The following CDH4 variants were observed in gnomAD, a reference collection of about 807,000 sequenced individuals.
CDH4 encodes the protein cadherin-4.
CDH4 carries 33 observed loss-of-function variants against 86.0 expected under a neutral mutation model. That is an observed-to-expected ratio of 0.38 (90% CI 0.29 to 0.51). The LOEUF (loss-of-function observed/expected upper bound fraction) is 0.51. Ranked by LOEUF, CDH4 falls within the 20% of genes least tolerant of loss-of-function variation. The pLI is 0.86. For missense variants in CDH4, 1,114 were observed against 1,307.4 expected (o/e 0.85, Z 2.28); for synonymous variants, 555 against 549.4 (o/e 1.01, Z -0.14).
At chr20:61,297,752 T>G (rs2084364081) in intron 2 of CDH4, among the ~76,000 whole-genome samples, 2 of 152,260 alleles carry the variant, frequency 1.3e-5, no homozygotes, top group Admixed American at 6.5e-5. Context: ...GATAGAGACA[T>G]TAGCGCGTGT....
At chr20:61,342,010 G>C (rs1023634429) in intron 2 of CDH4, among the ~76,000 whole-genome samples, 1 of 152,192 alleles carries the variant, frequency 6.6e-6, no homozygotes, top group African/African-American at 2.4e-5. Flanking sequence ...AAATGCTTAG[G>C]CCATAGTGGG....
intron 2 of CDH4, among the ~76,000 whole-genome samples, chr20:61,489,107 C>G (rs1182473454): frequency 6.6e-6 from 1 of 152,184 alleles, no homozygotes; most frequent in Non-Finnish European, 1.5e-5. Context: ...GTCTGGGCAA[C>G]CCCATCTCCT....
intron 2 of CDH4, among the ~76,000 whole-genome samples, chr20:61,566,807 G>A (rs778270649): frequency 3.3e-5 from 5 of 152,274 alleles, no homozygotes; most frequent in Non-Finnish European, 5.9e-5. Flanking sequence ...TCAACAGCTC[G>A]CTTATCGGTC....
chr20:61,374,032 G>A (rs1206798607), intron 2 of CDH4, among the ~76,000 whole-genome samples: 4 of 152,114 alleles, frequency 2.6e-5, no homozygotes, highest in Admixed American at 6.5e-5. Context: ...AGGGTTTAGC[G>A]ATACAGAGCC....
intron 4 of CDH4, among the ~76,000 whole-genome samples, chr20:61,813,885 G>C (rs553630154): frequency 4.4e-4 from 67 of 152,262 alleles, no homozygotes; most frequent in African/African-American, 1.6e-3. Context: ...CACAGAGGGT[G>C]GTCTCCAGTG....
At chr20:61,597,240 A>G (rs1204561719) in intron 2 of CDH4, among the ~76,000 whole-genome samples, 1 of 152,206 alleles carries the variant, frequency 6.6e-6, no homozygotes, top group African/African-American at 2.4e-5. Flanking sequence ...CCTGGGTTCC[A>G]TCCCCCGATC....
rs542848777 is a variant in CDH4 at position 61,726,945 on chromosome 20, C to A, written c.170-16618C>A. Among the ~76,000 whole-genome samples the A allele has an allele frequency of 1.1e-3, 170 of 152,116 alleles. 2 individuals are homozygous for A. Among genetic ancestry groups the A allele is most frequent in the African/African-American group, 4.0e-3 (164 of 41,490 alleles). On this transcript the variant is annotated intron_variant, in intron 2 of 15. Transcript: ENST00000614565. ...TCAACATTGCTGCCATCATCACCAT[C>A]AGAGCCATTATTACCATCAGTGCCA...
chr20:61,758,442 G>T (rs2033777522), intron 3 of CDH4, among the ~76,000 whole-genome samples: 1 of 152,174 alleles, frequency 6.6e-6, no homozygotes, highest in African/African-American at 2.4e-5. Flanking sequence ...TGACTCATTT[G>T]CTGTCTGTCC....
Position 61,406,514 on chromosome 20 carries a change from GCTCTGCCTGGACCACCATCTT to G in CDH4, c.169+151585_169+151605del, listed in dbSNP as rs1386308618. The stretch of plus-strand genomic sequence containing the variant: ...ATCTGCTCTGCCTGGACCACCATCT[GCTCTGCCTGGACCACCATCTT>G]CTCTGCCCGGACCACCATCTGCCAT... On this transcript the variant is annotated intron_variant, in intron 2 of 15. Coordinates refer to ENST00000614565, the MANE Select transcript of CDH4 (RefSeq NM_001794.5). Among the ~76,000 whole-genome samples, 56 of 140,948 alleles carry G rather than the reference GCTCTGCCTGGACCACCATCTT, an allele frequency of 4.0e-4. 1 individual carries two copies. Among genetic ancestry groups the G allele is most frequent in the African/African-American group, 1.5e-3 (53 of 35,202 alleles). The allele number at this position is 140,948 out of a possible 152,430, so 92.5% of individuals were successfully genotyped here.
intron 2 of CDH4, among the ~76,000 whole-genome samples, chr20:61,720,026 G>A (rs936745710): frequency 6.6e-6 from 1 of 152,152 alleles, no homozygotes; most frequent in African/African-American, 2.4e-5. Context: ...CTTCTTGCAA[G>A]TTCCTCCCAT....
At chr20:61,739,749 G>A (rs1450331310) in intron 2 of CDH4, among the ~76,000 whole-genome samples, 1 of 152,248 alleles carries the variant, frequency 6.6e-6, no homozygotes, top group African/African-American at 2.4e-5. Context: ...GCTGGCCAGA[G>A]CCAAGGTTCA....
chr20:61,452,123 A>G (rs1459294632), intron 2 of CDH4, among the ~76,000 whole-genome samples: 1 of 152,134 alleles, frequency 6.6e-6, no homozygotes, highest in Non-Finnish European at 1.5e-5. Flanking sequence ...TCCACTGCAG[A>G]GTTGCGCGGC....
chr20:61,895,489 C>G (rs993935333), intron 8 of CDH4, among the ~76,000 whole-genome samples: 4 of 152,198 alleles, frequency 2.6e-5, no homozygotes, highest in African/African-American at 9.7e-5. Flanking sequence ...GTGACTGGGC[C>G]CCATACCGGC....
At chr20:61,321,099 G>A (rs1356617608) in intron 2 of CDH4, among the ~76,000 whole-genome samples, 1 of 152,194 alleles carries the variant, frequency 6.6e-6, no homozygotes, top group African/African-American at 2.4e-5. Flanking sequence ...AGTCCCGCCT[G>A]TGGTCAGCCA....
In CDH4 at chr20:61,547,892, G is replaced by A. The variant is rs78453531; in HGVS notation, c.170-195671G>A. On this transcript the variant is annotated intron_variant, in intron 2 of 15. Coordinates refer to ENST00000614565, the MANE Select transcript of CDH4 (RefSeq NM_001794.5). ...TGGCAGAGCGACTGTATCCGTGTTC[G>A]CACATCTATGTCAAACAGTCTGCTG... is the stretch of plus-strand genomic sequence containing the variant. Among the ~76,000 whole-genome samples, 30 of 152,304 alleles carry A rather than the reference G, an allele frequency of 2.0e-4. 1 individual carries two copies. The East Asian group carries it at 4.8e-3, about 25-fold the overall frequency.
intron 2 of CDH4, among the ~76,000 whole-genome samples, chr20:61,401,538 A>G (rs139011231): frequency 3.9e-5 from 6 of 152,300 alleles, no homozygotes; most frequent in South Asian, 2.1e-4. Flanking sequence ...GCTTCTTCAC[A>G]TAACCTGAAG....
chr20:61,600,545 G>C (rs369119480), intron 2 of CDH4, among the ~76,000 whole-genome samples: 2 of 152,142 alleles, frequency 1.3e-5, no homozygotes, highest in Non-Finnish European at 2.9e-5. Flanking sequence ...ATGAATGCCC[G>C]CAACTCACCC....
At position 61,633,845 on chromosome 20, in the gene CDH4, C is replaced by G. The variant is rs547555514; in HGVS notation, c.170-109718C>G. 1.7e-3 allele frequency among the ~76,000 whole-genome samples: 261 copies of G among 152,310 alleles called. 2 individuals carry two copies. The highest frequency in any genetic ancestry group is 4.0e-3 in the African/African-American group (165 of 41,560). ...ATGTGCACTGAGTGCCATCTCCCCCCCAGCTGTCCATACTGTGCTCTTTAA... is the reference window on the plus strand; with the variant it reads ...ATGTGCACTGAGTGCCATCTCCCCCGCAGCTGTCCATACTGTGCTCTTTAA... On this transcript the variant is annotated intron_variant, in intron 2 of 15. Transcript: ENST00000614565.
intron 4 of CDH4, among the ~76,000 whole-genome samples, chr20:61,840,208 G>A (rs1291595570): frequency 6.6e-6 from 1 of 152,214 alleles, no homozygotes; most frequent in African/African-American, 2.4e-5. Context: ...CCGTGCACGT[G>A]CACTGGGACA....
Sources: allele counts gnomAD v4.1 joint callset (sites outside exome capture counted in the v4.1 genomes callset), GRCh38; gene constraint gnomAD v4.1.1; transcripts MANE v1.5; gene names NCBI Gene and HGNC (gene_info 2026-07-23, HGNC 2026-07-21).